The following MGST1 variants were observed in gnomAD, a reference collection of about 807,000 sequenced individuals.
MGST1 encodes glutathione S-transferase 12.
Under a neutral mutation model 8.9 loss-of-function variants are expected in MGST1, and 5 were observed. The observed-to-expected ratio is 0.56, with a 90% CI of 0.29 to 1.19. The LOEUF (loss-of-function observed/expected upper bound fraction) is 1.19, where lower values mean the gene tolerates loss of function less well. MGST1 is among the 50% of genes most tolerant of loss of function. MGST1 has a pLI of 0.08. For synonymous variants in MGST1, 54 were observed against 67.8 expected (o/e 0.80, Z 1.00); for missense variants, 182 against 187.4 (o/e 0.97, Z 0.17).
chr12:16,556,407 A>G (rs1011940777), intron 4 of MGST1, among the ~76,000 whole-genome samples: 1 of 152,080 alleles, frequency 6.6e-6, no homozygotes. Flanking sequence ...TAAAAGGGGC[A>G]GAGGAGATCT....
chr12:16,524,915 A>G (rs1263278138), intron 4 of MGST1, among the ~76,000 whole-genome samples: 1 of 152,120 alleles, frequency 6.6e-6, no homozygotes, highest in Non-Finnish European at 1.5e-5. Flanking sequence ...CATCCTTACA[A>G]TAAACTCTGT....
At chr12:16,484,353 T>A (rs957254245) in intron 4 of MGST1, among the ~76,000 whole-genome samples, 11 of 152,234 alleles carry the variant, frequency 7.2e-5, no homozygotes, top group African/African-American at 2.7e-4. Flanking sequence ...ACAGTTTTGC[T>A]TGGAGGGCTT....
intron 4 of MGST1, among the ~76,000 whole-genome samples, chr12:16,486,006 C>T (rs1404479165): frequency 6.6e-6 from 1 of 152,192 alleles, no homozygotes; most frequent in Non-Finnish European, 1.5e-5. Flanking sequence ...CCAAGCACTG[C>T]TCTTACCTTG....
rs552292102 is a variant in MGST1, at chr12:16,587,630, T to C, written n.483-1898T>C. Reference sequence around the variant, plus strand: ...GTCAGTGTATCATTTTTTTAAGCAATGGACCCTATAATAGCAAGCACTGGT... The same window carrying C: ...GTCAGTGTATCATTTTTTTAAGCAACGGACCCTATAATAGCAAGCACTGGT... On this transcript the variant is annotated intron_variant and non_coding_transcript_variant, in intron 4 of 4. Coordinates refer to the MGST1 transcript ENST00000538857. The surrounding 1 kb of genome is among the most constrained non-coding windows in gnomAD (Gnocchi z 4.3). Among the ~76,000 whole-genome samples the C allele has an allele frequency of 6.6e-6, 1 of 152,224 alleles. No individual in the cohort carries two copies. The highest frequency in any genetic ancestry group is 1.9e-4 in the East Asian group (1 of 5,168).
chr12:16,473,787 G>A (rs574502413), intron 4 of MGST1, among the ~76,000 whole-genome samples: 8 of 152,160 alleles, frequency 5.3e-5, no homozygotes, highest in South Asian at 2.1e-4. Flanking sequence ...AGGCTGAGGC[G>A]GGAGGATGAC....
At position 16,482,660 on chromosome 12, in the gene MGST1, T is replaced by A. The variant is rs1292123268; in HGVS notation, n.482+99056T>A. Among the ~76,000 whole-genome samples the A allele has an allele frequency of 6.6e-6, 1 of 150,508 alleles. No homozygotes were observed. The highest frequency in any genetic ancestry group is 2.4e-5 in the African/African-American group (1 of 40,960). On this transcript the variant is annotated intron_variant and non_coding_transcript_variant, in intron 4 of 4. Transcript: ENST00000538857. The surrounding 1 kb of genome is among the most constrained non-coding windows in gnomAD (Gnocchi z 4.2). Reference sequence around the variant, plus strand: ...AAAAAAAAAAAAGAGTGAGAACATGTAAAAATGCAAGAACATGTAAAAATG... The same window carrying A: ...AAAAAAAAAAAAGAGTGAGAACATGAAAAAATGCAAGAACATGTAAAAATG...
chr12:16,496,521 T>C (rs900721313), intron 4 of MGST1, among the ~76,000 whole-genome samples: 1 of 152,128 alleles, frequency 6.6e-6, no homozygotes, highest in Admixed American at 6.6e-5. Context: ...CTTTGTTACC[T>C]GAATCTTTGT....
chr12:16,493,165 A>G (rs1271657281), intron 4 of MGST1, among the ~76,000 whole-genome samples: 4 of 152,226 alleles, frequency 2.6e-5, no homozygotes, highest in African/African-American at 4.8e-5. Context: ...AGTGGAACAG[A>G]GAGTAAATCT....
intron 4 of MGST1, among the ~76,000 whole-genome samples, chr12:16,515,965 T>C (rs536100231): frequency 5.9e-5 from 9 of 152,230 alleles, no homozygotes; most frequent in Non-Finnish European, 1.0e-4. Flanking sequence ...GCTCTAATTA[T>C]GTAGACTTAT....
rs1941372497 is a variant in MGST1 at position 16,482,699 on chromosome 12, A to G, written n.482+99095A>G. Among the ~76,000 whole-genome samples, 1 of 152,116 alleles carries G rather than the reference A, an allele frequency of 6.6e-6. No individual in the cohort carries two copies. The highest frequency in any genetic ancestry group is 2.4e-5 in the African/African-American group (1 of 41,426). The stretch of plus-strand genomic sequence containing the variant: ...CATGTAAAAATGCAACAACAAGTTG[A>G]TTGTTCTAGAGACAGGTATGTTCTG... On this transcript the variant is annotated intron_variant and non_coding_transcript_variant, in intron 4 of 4. Transcript: ENST00000538857. The surrounding 1 kb of genome is among the most constrained non-coding windows in gnomAD (Gnocchi z 4.2).
chr12:16,395,371 A>T (rs987794847), intron 1 of MGST1, among the ~76,000 whole-genome samples: 1 of 152,184 alleles, frequency 6.6e-6, no homozygotes, highest in African/African-American at 2.4e-5. Context: ...TTAACCCAGC[A>T]TAGTAATGCA....
At chr12:16,510,897 A>G in intron 4 of MGST1, among the ~76,000 whole-genome samples, 1 of 152,204 alleles carries the variant, frequency 6.6e-6, no homozygotes, top group East Asian at 1.9e-4. Flanking sequence ...ATTATTTAAC[A>G]TGCTATTTAT....
exon 2 of MGST1, chr12:16,438,610 T>G (rs12813450): frequency 6.6e-6 from 1 of 151,774 alleles, no homozygotes; most frequent in Non-Finnish European, 1.5e-5. Context: ...TTCTTCCTTA[T>G]AAAATCTGTG....
chr12:16,544,221 TACACACACAC>T lies in MGST1; in HGVS notation n.483-45273_483-45264del, dbSNP rs3029719. On this transcript the variant is annotated intron_variant and non_coding_transcript_variant, in intron 4 of 4. Coordinates refer to the MGST1 transcript ENST00000538857. This position sits in a 1 kb window ranked among gnomAD's most constrained non-coding sequence, Gnocchi z 4.8. ...TTAAATTGACACCTTAAGTAAGAAC[TACACACACAC>T]ACACACACACACACACACACACACA... Among the ~76,000 whole-genome samples the T allele has an allele frequency of 0.013, 1,852 of 138,874 alleles. 38 individuals are homozygous for T. The highest frequency in any genetic ancestry group is 0.071 in the East Asian group (343 of 4,844). The allele number at this position is 138,874 out of a possible 152,430, so 91.1% of individuals were successfully genotyped here.
At position 16,584,965 on chromosome 12, in the gene MGST1, A is replaced by T. The variant is rs890018708; in HGVS notation, n.483-4563A>T. ...AACCAGAATTTTATGATTCTGACCA[A>T]AAAGTTACATACTAGTAGCTGTGTG... On this transcript the variant is annotated intron_variant and non_coding_transcript_variant, in intron 4 of 4. Transcript: ENST00000538857. This position sits in a 1 kb window ranked among gnomAD's most constrained non-coding sequence, Gnocchi z 5.2. Among the ~76,000 whole-genome samples, 3 of 152,240 alleles carry T rather than the reference A, an allele frequency of 2.0e-5. No homozygotes were observed. Among genetic ancestry groups the T allele is most frequent in the African/African-American group, 7.2e-5 (3 of 41,464 alleles).
intron 1 of MGST1, among the ~76,000 whole-genome samples, chr12:16,351,814 A>G (rs1194941239): frequency 6.6e-6 from 1 of 152,124 alleles, no homozygotes; most frequent in African/African-American, 2.4e-5. Context: ...CATCTCAAAA[A>G]AAGAAAAGAA....
At chr12:16,417,329 A>G (rs1329552679) in intron 1 of MGST1, among the ~76,000 whole-genome samples, 1 of 152,150 alleles carries the variant, frequency 6.6e-6, no homozygotes, top group Non-Finnish European at 1.5e-5. Context: ...TTATCATGAG[A>G]GCAGCATGGG....
intron 4 of MGST1, among the ~76,000 whole-genome samples, chr12:16,511,150 C>T (rs910755786): frequency 6.6e-6 from 1 of 152,192 alleles, no homozygotes; most frequent in Admixed American, 6.5e-5. Context: ...ACAATTATCA[C>T]AGCCGAGCTG....
intron 4 of MGST1, among the ~76,000 whole-genome samples, chr12:16,465,635 G>C (rs773826728): frequency 6.6e-6 from 1 of 152,166 alleles, no homozygotes; most frequent in Admixed American, 6.5e-5. Context: ...TATCACCCCG[G>C]ATGGGACTGT....
Sources: allele counts gnomAD v4.1 joint callset (sites outside exome capture counted in the v4.1 genomes callset), GRCh38; gene constraint gnomAD v4.1.1; non-coding constraint Gnocchi (gnomAD v3.1); transcripts MANE v1.5; gene names NCBI Gene and HGNC (gene_info 2026-07-23, HGNC 2026-07-21).